Variants in CEP120 observed in about 807,000 individuals in gnomAD.
The protein encoded by CEP120 is centrosomal protein of 120 kDa.
CEP120 carries 113 observed loss-of-function variants against 126.5 expected under a neutral mutation model. That is an observed-to-expected ratio of 0.89 (90% CI 0.77 to 1.04). The LOEUF (loss-of-function observed/expected upper bound fraction) is 1.04, where lower values mean the gene tolerates loss of function less well. CEP120 is among the 50% of genes least tolerant of loss of function. The pLI is 0.00. For synonymous variants in CEP120, 400 were observed against 394.3 expected, an observed-to-expected ratio of 1.01 and a Z score of -0.17; for missense variants, 1,230 against 1,155.7, an observed-to-expected ratio of 1.06 and a Z score of -0.93.
rs1291767552 is a variant in CEP120, at chr5:123,364,488, C to A, written c.2580+8G>T. ...AGATATAAAAAGAATAAGCTATAAA[C>A]TACATACCTGTTTAAGTCTGGCAAG... On this transcript the variant is annotated splice_region_variant and intron_variant, in intron 18 of 19. Transcript: ENST00000306467. 6 of 1,580,768 alleles carry A rather than the reference C, an allele frequency of 3.8e-6. No individual in the cohort carries two copies. In the African/African-American group the frequency reaches 8.1e-5, roughly 21 times the overall value.
chr5:123,392,708 C>T (rs1046307568), intron 6 of CEP120, among the ~76,000 whole-genome samples: 21 of 152,092 alleles, frequency 1.4e-4, no homozygotes, highest in African/African-American at 5.1e-4. Context: ...CAGGGTCTTG[C>T]TATGTTGCCC....
At chr5:123,419,527 A>G (rs60940635) in intron 1 of CEP120, among the ~76,000 whole-genome samples, 64,891 of 147,906 alleles carry the variant, frequency 0.44, 14,207 homozygotes, top group East Asian at 0.47. Context: ...GCAAGACTCC[A>G]TCTCAAAAAA....
rs200360046 is a variant in CEP120, at chr5:123,355,776, C to T, written c.2581-5687G>A. On this transcript the variant is annotated intron_variant, in intron 18 of 19. Transcript: ENST00000306467. ...TAGTTTCTTTTGCTGTGCAGAAGCT[C>T]TTTAATTAGATCCCATTTGTCAATT... is the stretch of plus-strand genomic sequence containing the variant. Among the ~76,000 whole-genome samples, 3 of 151,560 alleles carry T rather than the reference C, an allele frequency of 2.0e-5. No individual in the cohort carries two copies. In the East Asian group the frequency reaches 5.8e-4, roughly 29 times the overall value.
Position 123,393,374 on chromosome 5 carries a change from C to T in CEP120, c.736G>A (p.Glu246Lys), listed in dbSNP as rs1261544137. The change falls in exon 6 of 20, where the codon GAG becomes AAG. Residue 246 changes from glutamate to lysine, a missense_variant. Glu to Lys is a moderately conservative substitution (Grantham distance 56, BLOSUM62 1). Coordinates refer to ENST00000306467, the MANE Select transcript of CEP120 (RefSeq NM_001375405.1). ...NDLINPNFEP[E>K]RASVRIRSSV... ...CTACGGATGCGAACTGATGCTCTCT[C>T]TGGCTCAAAGTTTGGGTTGATTAAA... The T allele has an allele frequency of 1.9e-6, 3 of 1,614,040 alleles. No homozygotes were observed. In the African/African-American group the frequency reaches 4.0e-5, roughly 22 times the overall value.
intron 5 of CEP120, 97 bp downstream of exon 5, chr5:123,399,039 A>G (rs1772994538): frequency 1.1e-6 from 1 of 910,348 alleles, no homozygotes; most frequent in East Asian, 2.8e-5. Flanking sequence ...TTAAAAAAAA[A>G]AAGTCTACTT....
At chr5:123,408,803 AT>A (rs1352144592) in intron 4 of CEP120, among the ~76,000 whole-genome samples, 1 of 152,202 alleles carries the variant, frequency 6.6e-6, no homozygotes, top group African/African-American at 2.4e-5. Context: ...AATCAAAGAC[AT>A]TACAATAAAG....
chr5:123,412,791 T>C (rs1385106630), intron 3 of CEP120, among the ~76,000 whole-genome samples: 1 of 152,194 alleles, frequency 6.6e-6, no homozygotes, highest in Non-Finnish European at 1.5e-5. Context: ...AGGCAAAATA[T>C]TAAAAGGAAG....
At chr5:123,370,926 A>C (rs898666680) in intron 17 of CEP120, among the ~76,000 whole-genome samples, 1 of 151,730 alleles carries the variant, frequency 6.6e-6, no homozygotes, top group Non-Finnish European at 1.5e-5. Context: ...CTTTCTGATT[A>C]CAATTCATCA....
rs1245106587 is a variant in CEP120 at position 123,390,395 on chromosome 5, A to T, written c.1039-255T>A. ...TGGGTAAGAAGGGATATTTGAGAAA[A>T]GAAGTCAGGCATAGGTGTCCCCGGG... is the stretch of plus-strand genomic sequence containing the variant. On this transcript the variant is annotated intron_variant, in intron 7 of 19. Transcript: ENST00000306467. The T allele has an allele frequency of 5.5e-6, 3 of 549,326 alleles. No individual in the cohort carries two copies. In the African/African-American group the frequency reaches 5.6e-5, roughly 10 times the overall value. The allele number at this position is 549,326 out of a possible 1,614,324, so 34.0% of individuals were successfully genotyped here.
chr5:123,412,492 AC>A lies in CEP120; in HGVS notation c.369del (p.Lys123AsnfsTer6), dbSNP rs1249332058. On this transcript the variant is annotated frameshift_variant, in exon 4 of 20. Transcript: ENST00000306467. LOFTEE classifies it high-confidence loss of function. ...QLLSNKYTKF[K>X]SEIQISIALE... is the part of the protein sequence containing the mutation. ...AAAGCAATACTTATCTGTATCTCAG[AC>A]TTGAATTTGGTGTATTTATTACTCA... 1 of 1,611,304 alleles carries A rather than the reference AC, an allele frequency of 6.2e-7. No individual in the cohort carries two copies. The highest frequency in any genetic ancestry group is 1.3e-5 in the African/African-American group (1 of 74,802).
intron 4 of CEP120, chr5:123,400,863 T>A: frequency 9.3e-7 from 1 of 1,075,884 alleles, no homozygotes; most frequent in Non-Finnish European, 1.4e-6. Flanking sequence ...GTGACCTCCC[T>A]CCCAGGCTCT....
intron 2 of CEP120, among the ~76,000 whole-genome samples, chr5:123,416,351 A>T (rs1478311801): frequency 6.6e-6 from 1 of 152,124 alleles, no homozygotes; most frequent in African/African-American, 2.4e-5. Flanking sequence ...TCACGAGGTC[A>T]GGAAATCGAG....
chr5:123,407,626 C>CTAT (rs1773783587), intron 4 of CEP120, among the ~76,000 whole-genome samples: 3 of 152,298 alleles, frequency 2.0e-5, no homozygotes, highest in South Asian at 4.1e-4. Context: ...TTGAATCCAA[C>CTAT]TTGGAGACTT....
chr5:123,397,990 AG>A (rs1772905120), intron 5 of CEP120, among the ~76,000 whole-genome samples: 2 of 152,200 alleles, frequency 1.3e-5, no homozygotes, highest in African/African-American at 4.8e-5. Flanking sequence ...AGGCTGAGGC[AG>A]AAGGATCAAC....
intron 4 of CEP120, among the ~76,000 whole-genome samples, chr5:123,404,504 A>G (rs1773515071): frequency 1.3e-5 from 2 of 152,204 alleles, no homozygotes; most frequent in Non-Finnish European, 2.9e-5. Flanking sequence ...GCATTGGAAG[A>G]GCGTGTACAG....
In CEP120 at chr5:123,384,206, G is replaced by A. The variant is rs1276849708; in HGVS notation, c.1763+745C>T. On this transcript the variant is annotated intron_variant, in intron 11 of 19. Transcript: ENST00000306467. The stretch of plus-strand genomic sequence containing the variant: ...TTTTAAGAAAGATTCTTCAATAATA[G>A]GAGTTGAAACAAAATGGCCATGAAT... 2.0e-5 allele frequency among the ~76,000 whole-genome samples: 3 copies of A among 152,114 alleles called. No individual in the cohort carries two copies. The East Asian group carries it at 5.8e-4, about 29-fold the overall frequency.
chr5:123,393,547 A>C (rs1312468029), intron 5 of CEP120, 50 bp from the exon 6 acceptor site: 1 of 1,449,376 alleles, frequency 6.9e-7, no homozygotes, highest in Non-Finnish European at 9.7e-7. Context: ...AAACTACTGA[A>C]CATGCTTAGT....
chr5:123,368,549 G>C (rs1480718078), intron 17 of CEP120, among the ~76,000 whole-genome samples: 1 of 151,912 alleles, frequency 6.6e-6, no homozygotes, highest in African/African-American at 2.4e-5. Context: ...AAAGCAATGT[G>C]GGGATAAGAG....
chr5:123,399,490 C>G (rs1773029903), intron 4 of CEP120, among the ~76,000 whole-genome samples: 1 of 152,126 alleles, frequency 6.6e-6, no homozygotes, highest in South Asian at 2.1e-4. Flanking sequence ...AAGTAAAATT[C>G]TGGAGTAACA....
Sources: gnomAD v4.1 joint callset for allele counts (sites outside exome capture counted in the v4.1 genomes callset) on GRCh38, gnomAD v4.1.1 for gene constraint, MANE v1.5 for transcripts, NCBI Gene and HGNC (gene_info 2026-07-23, HGNC 2026-07-21) for gene names.